Variants in IFTAP observed in about 807,000 individuals in gnomAD.
IFTAP encodes intraflagellar transport associated protein.
IFTAP carries 19 observed loss-of-function variants against 19.4 expected under a neutral mutation model. The observed-to-expected ratio is 0.98, with a 90% confidence interval of 0.68 to 1.44. IFTAP has a LOEUF of 1.44. IFTAP is among the 40% of genes most tolerant of loss of function. The pLI is 0.00. For missense variants in IFTAP, 240 were observed against 253.6 expected, an observed-to-expected ratio of 0.95 and a Z score of 0.36; for synonymous variants, 85 against 83.5, an observed-to-expected ratio of 1.02 and a Z score of -0.10.
chr11:36,614,541 TA>T (rs908378102), intron 2 of IFTAP, among the ~76,000 whole-genome samples: 1 of 149,006 alleles, frequency 6.7e-6, no homozygotes, highest in African/African-American at 2.5e-5. Flanking sequence ...ACCAACAGTG[TA>T]AAAGTGTTCC....
intron 2 of IFTAP, among the ~76,000 whole-genome samples, chr11:36,611,793 C>A (rs938104902): frequency 2.0e-5 from 3 of 151,980 alleles, no homozygotes; most frequent in African/African-American, 7.2e-5. Context: ...ACATGTAGAT[C>A]AAATTAATCT....
intron 4 of IFTAP, among the ~76,000 whole-genome samples, chr11:36,642,659 A>G (rs1186681225): frequency 1.3e-5 from 2 of 152,158 alleles, no homozygotes; most frequent in Non-Finnish European, 2.9e-5. Context: ...CTTACCCACT[A>G]TGATCAAGTG....
At chr11:36,600,519 C>T (rs12286882) in intron 1 of IFTAP, among the ~76,000 whole-genome samples, 2 of 152,146 alleles carry the variant, frequency 1.3e-5, no homozygotes, top group Admixed American at 1.3e-4. Flanking sequence ...GAGGTGGAAT[C>T]GTTTCATCCT....
At position 36,629,448 on chromosome 11, in the gene IFTAP, C is replaced by T. The variant is rs557265414; in HGVS notation, c.137-3836C>T. ...CCAGAGTGTGGAAGAACAGACACTC[C>T]GAGGTTGCTGGCAGATTTGGTTGTG... On this transcript the variant is annotated intron_variant, in intron 2 of 5. Transcript: ENST00000334307. Among the ~76,000 whole-genome samples the T allele has an allele frequency of 1.9e-3, 283 of 151,350 alleles. 1 individual carries two copies. The highest frequency in any genetic ancestry group is 3.4e-3 in the Middle Eastern group (1 of 294).
At chr11:36,647,956 T>G in intron 4 of IFTAP, 60 bp from the exon 5 acceptor site, 1 of 1,568,350 alleles carries the variant, frequency 6.4e-7, no homozygotes, top group Admixed American at 1.8e-5. Flanking sequence ...GGCATTTAAA[T>G]GATTTAGGTA....
intron 1 of IFTAP, among the ~76,000 whole-genome samples, chr11:36,596,431 C>T (rs1297999624): frequency 6.6e-6 from 1 of 152,088 alleles, no homozygotes; most frequent in Non-Finnish European, 1.5e-5. Flanking sequence ...CTGTCTCCCT[C>T]AGTTGTATAT....
chr11:36,640,286 TTG>T (rs150537348), intron 4 of IFTAP, among the ~76,000 whole-genome samples: 20,573 of 152,194 alleles, frequency 0.14, 2,122 homozygotes, highest in African/African-American at 0.29. Flanking sequence ...ATACTAGCAG[TTG>T]TGTCATCTTC....
intron 4 of IFTAP, among the ~76,000 whole-genome samples, chr11:36,642,855 T>C (rs1485243020): frequency 6.6e-6 from 1 of 152,132 alleles, no homozygotes; most frequent in Non-Finnish European, 1.5e-5. Context: ...ATGGGACATA[T>C]CTCAAAATAA....
Position 36,648,168 on chromosome 11 carries a change from G to C in IFTAP, c.498+13G>C, listed in dbSNP as rs892727301. 1.2e-6 allele frequency: 2 copies of C among 1,610,302 alleles called. No homozygotes were observed. Among genetic ancestry groups the C allele is most frequent in the Non-Finnish European group, 1.7e-6 (2 of 1,177,900 alleles). ...ACAGACGGAAGAGGTACTCCACAGG[G>C]AATTCAGTCATTCTCCACACTGCCT... On this transcript the variant is annotated intron_variant, in intron 5 of 5. Transcript: ENST00000334307.
chr11:36,610,049 TTCTC>T, intron 1 of IFTAP, 28 bp from the exon 2 acceptor site: 1 of 1,583,390 alleles, frequency 6.3e-7, no homozygotes, highest in South Asian at 1.1e-5. Flanking sequence ...TATTGCCTGA[TTCTC>T]TCTAGCTGGT....
chr11:36,648,811 C>G (rs58046117), intron 5 of IFTAP, among the ~76,000 whole-genome samples: 1 of 152,084 alleles, frequency 6.6e-6, no homozygotes, highest in African/African-American at 2.4e-5. Context: ...TCCTTAATGT[C>G]GGCTCACATT....
intron 5 of IFTAP, among the ~76,000 whole-genome samples, chr11:36,658,096 C>T (rs1430455871): frequency 6.6e-6 from 1 of 152,180 alleles, no homozygotes; most frequent in East Asian, 1.9e-4. Context: ...ATAAGCCACT[C>T]AATGAGATCA....
intron 2 of IFTAP, among the ~76,000 whole-genome samples, chr11:36,612,358 G>A (rs943799794): frequency 5.9e-5 from 9 of 151,380 alleles, no homozygotes; most frequent in African/African-American, 1.7e-4. Flanking sequence ...TCCTCTTAAA[G>A]CACAGAGTTA....
intron 2 of IFTAP, among the ~76,000 whole-genome samples, chr11:36,614,916 T>C (rs1248054543): frequency 9.6e-5 from 14 of 146,440 alleles, no homozygotes; most frequent in Non-Finnish European, 1.8e-4. Context: ...AGAAGCTCTT[T>C]AGTTTAATTA....
chr11:36,641,681 G>T (rs1008987765), intron 4 of IFTAP, among the ~76,000 whole-genome samples: 9 of 152,274 alleles, frequency 5.9e-5, no homozygotes, highest in African/African-American at 2.2e-4. Flanking sequence ...GCTGAGGAGT[G>T]CTTTACTTCC....
chr11:36,653,762 G>A, intron 5 of IFTAP, among the ~76,000 whole-genome samples: 1 of 152,142 alleles, frequency 6.6e-6, no homozygotes, highest in East Asian at 1.9e-4. Flanking sequence ...ACTCATGCAT[G>A]TCATCATAAG....
At chr11:36,613,533 A>G (rs767145712) in intron 2 of IFTAP, among the ~76,000 whole-genome samples, 3 of 152,098 alleles carry the variant, frequency 2.0e-5, no homozygotes, top group Non-Finnish European at 2.9e-5. Context: ...TAAATAAGCA[A>G]GCAGGAAATT....
intron 5 of IFTAP, 116 bp from the exon 6 acceptor site, chr11:36,658,903 G>C (rs780804503): frequency 5.9e-6 from 4 of 678,808 alleles, no homozygotes; most frequent in Non-Finnish European, 9.0e-6. Context: ...AATCAGCTGA[G>C]AGTGCTGAAG....
rs139508378 is a variant in IFTAP, at chr11:36,594,527, A to T, written c.-89A>T. 160 of 292,060 alleles carry T rather than the reference A, an allele frequency of 5.5e-4. No homozygotes were observed. Among genetic ancestry groups the T allele is most frequent in the African/African-American group, 3.0e-3 (138 of 46,264 alleles). 18.1% of individuals were successfully genotyped at this position (292,060 alleles called of 1,614,324 possible). On this transcript the variant is annotated 5_prime_UTR_variant, in exon 1 of 6. Coordinates refer to ENST00000334307, the MANE Select transcript of IFTAP (RefSeq NM_138787.4). ...CTCTCTGGGATGTGTAGCTTTGGAAATCTGTCTTTGTTGCTCTGGGAGAGG... is the reference window on the plus strand; with the variant it reads ...CTCTCTGGGATGTGTAGCTTTGGAATTCTGTCTTTGTTGCTCTGGGAGAGG...
Sources: allele counts gnomAD v4.1 joint callset (sites outside exome capture counted in the v4.1 genomes callset), GRCh38; gene constraint gnomAD v4.1.1; transcripts MANE v1.5; gene names NCBI Gene and HGNC (gene_info 2026-07-23, HGNC 2026-07-21).